The following PPP1R12A variants were observed in gnomAD, a reference collection of about 807,000 sequenced individuals.
The protein encoded by PPP1R12A is myosin binding subunit.
In PPP1R12A, 19 loss-of-function variants were observed where a neutral mutation model predicts 139.6. The ratio of observed to expected loss-of-function variants is 0.14; its 90% CI spans 0.09 to 0.20. PPP1R12A has a LOEUF of 0.20. Ranked by LOEUF, PPP1R12A falls within the 10% of genes least tolerant of loss-of-function variation. PPP1R12A has a pLI of 1.00. For missense variants in PPP1R12A, 925 were observed against 1,211.5 expected (o/e 0.76, Z 3.51); for synonymous variants, 427 against 420.6 (o/e 1.02, Z -0.19).
intron 3 of PPP1R12A, among the ~76,000 whole-genome samples, chr12:79,843,603 CA>C (rs992075681): frequency 3.3e-5 from 4 of 121,908 alleles, no homozygotes; most frequent in South Asian, 2.6e-4. Context: ...GACTCTGTCT[CA>C]AAAAAAAATA....
intron 1 of PPP1R12A, among the ~76,000 whole-genome samples, chr12:79,881,312 A>G (rs1327670735): frequency 6.6e-6 from 1 of 152,206 alleles, no homozygotes; most frequent in Admixed American, 6.5e-5. Flanking sequence ...AATGCAAAGG[A>G]AAAGTTCTTG....
chr12:79,862,625 G>GACCTGATGGAGCTGAAAACC (rs1191659341), intron 2 of PPP1R12A, among the ~76,000 whole-genome samples: 3 of 152,156 alleles, frequency 2.0e-5, no homozygotes, highest in Admixed American at 2.0e-4. Flanking sequence ...AGAGCTAAAT[G>GACCTGATGGAGCTGAAAACC]ACCTGATGGA....
At chr12:79,821,985 A>C (rs1273495444) in intron 6 of PPP1R12A, 131 bp downstream of exon 6, 1 of 595,202 alleles carries the variant, frequency 1.7e-6, no homozygotes, top group Non-Finnish European at 2.9e-6. Context: ...CTCTTTCACT[A>C]TCATTTAGTG....
chr12:79,806,263 CTGTTGGTGT>C lies in PPP1R12A; in HGVS notation c.1717_1725del (p.Thr573_Thr575del). The C allele has an allele frequency of 1.2e-6, 2 of 1,613,910 alleles. No individual in the cohort carries two copies. The highest frequency in any genetic ancestry group is 1.7e-6 in the Non-Finnish European group (2 of 1,179,804). On this transcript the variant is annotated inframe_deletion, in exon 13 of 25. Coordinates refer to ENST00000450142, the MANE Select transcript of PPP1R12A (RefSeq NM_002480.3). ...TTCTGAAGCCCAGCTGCAGAGGTAA[CTGTTGGTGT>C]TGATGTGGTGCTTGGAACACTAGAA... is the stretch of plus-strand genomic sequence containing the variant.
At chr12:79,829,968 C>A (rs373852315) in intron 4 of PPP1R12A, among the ~76,000 whole-genome samples, 33 of 152,030 alleles carry the variant, frequency 2.2e-4, no homozygotes, top group African/African-American at 7.7e-4. Context: ...TGAAAAGCAT[C>A]AAAATCAAAT....
chr12:79,812,038 G>A (rs1201596252), intron 9 of PPP1R12A, among the ~76,000 whole-genome samples: 3 of 152,090 alleles, frequency 2.0e-5, no homozygotes, highest in Admixed American at 2.0e-4. Context: ...CTTCACATGG[G>A]TTATCCTGTT....
intron 7 of PPP1R12A, 63 bp downstream of exon 7, chr12:79,821,015 G>T: frequency 1.3e-6 from 2 of 1,589,904 alleles, no homozygotes; most frequent in Non-Finnish European, 1.7e-6. Context: ...CAATAATCAT[G>T]CCTGTGGCCA....
At chr12:79,820,959 A>AT in intron 7 of PPP1R12A, 28 bp from the exon 8 acceptor site, 1 of 1,610,464 alleles carries the variant, frequency 6.2e-7, no homozygotes, top group Non-Finnish European at 8.5e-7. Context: ...TGTTCAAATG[A>AT]TTAGAAATAC....
At chr12:79,883,654 A>C (rs1883851963) in intron 1 of PPP1R12A, among the ~76,000 whole-genome samples, 1 of 152,150 alleles carries the variant, frequency 6.6e-6, no homozygotes, top group South Asian at 2.1e-4. Flanking sequence ...TGTGAAAATA[A>C]ATGTGGGAAG....
At chr12:79,934,067 T>C (rs892503412) in intron 1 of PPP1R12A, among the ~76,000 whole-genome samples, 1 of 152,068 alleles carries the variant, frequency 6.6e-6, no homozygotes, top group Non-Finnish European at 1.5e-5. Flanking sequence ...TTCCATCCCC[T>C]TCCTTTCAGC....
chr12:79,785,736 A>C (rs548601527), intron 22 of PPP1R12A, among the ~76,000 whole-genome samples: 1 of 152,280 alleles, frequency 6.6e-6, no homozygotes, highest in East Asian at 1.9e-4. Context: ...TTCTTTGATC[A>C]CAAAGCTTTT....
rs79344011 is a variant in PPP1R12A, at chr12:79,922,854, T to A, written c.237+11841A>T. ...TATACCAGAACTTAAAAGTAAAAAATTTTTTAAAAAGTATTTTGTATAAAC... is the reference window on the plus strand; with the variant it reads ...TATACCAGAACTTAAAAGTAAAAAAATTTTTAAAAAGTATTTTGTATAAAC... On this transcript the variant is annotated intron_variant, in intron 1 of 24. Coordinates refer to ENST00000450142, the MANE Select transcript of PPP1R12A (RefSeq NM_002480.3). Among the ~76,000 whole-genome samples, 508 of 151,104 alleles carry A rather than the reference T, an allele frequency of 3.4e-3. 7 individuals carry two copies. Among genetic ancestry groups the A allele is most frequent in the African/African-American group, 0.012 (467 of 40,478 alleles).
intron 1 of PPP1R12A, among the ~76,000 whole-genome samples, chr12:79,877,362 G>A (rs1209575837): frequency 1.3e-5 from 2 of 152,144 alleles, no homozygotes; most frequent in Non-Finnish European, 1.5e-5. Context: ...CAGGGCAGTG[G>A]TTAAAAGAAA....
chr12:79,821,684 T>C (rs879014376), intron 6 of PPP1R12A, among the ~76,000 whole-genome samples: 1 of 150,308 alleles, frequency 6.7e-6, no homozygotes, highest in Admixed American at 6.7e-5. Context: ...ACCCAGGAGG[T>C]GGAGGCTGCA....
At chr12:79,868,639 T>C (rs1277662786) in intron 2 of PPP1R12A, among the ~76,000 whole-genome samples, 2 of 152,132 alleles carry the variant, frequency 1.3e-5, no homozygotes, top group Non-Finnish European at 2.9e-5. Flanking sequence ...GTGTCTCTTT[T>C]TTGTCCCAAT....
At chr12:79,821,327 TAAAG>T (rs1327176383) in intron 6 of PPP1R12A, among the ~76,000 whole-genome samples, 161 bp from the exon 7 acceptor site, 2 of 152,126 alleles carry the variant, frequency 1.3e-5, no homozygotes, top group African/African-American at 4.8e-5. Flanking sequence ...AGAGCTTGAA[TAAAG>T]AATGAAATAG....
intron 23 of PPP1R12A, chr12:79,779,552 C>T (rs1477822836): frequency 1.1e-5 from 4 of 371,524 alleles, no homozygotes; most frequent in African/African-American, 2.1e-5. Flanking sequence ...ATTCCAACAT[C>T]GGCATGCCTA....
chr12:79,779,085 C>CT (rs1053605925), intron 23 of PPP1R12A: 2 of 327,048 alleles, frequency 6.1e-6, no homozygotes, highest in Non-Finnish European at 1.2e-5. Flanking sequence ...ATCCAACTGA[C>CT]TTTATAGCTT....
intron 11 of PPP1R12A, among the ~76,000 whole-genome samples, chr12:79,808,178 T>C (rs1254846689): frequency 6.6e-6 from 1 of 152,116 alleles, no homozygotes; most frequent in Non-Finnish European, 1.5e-5. Context: ...GTAAGGGCTT[T>C]CCTTCTTCTT....
Sources: allele counts gnomAD v4.1 joint callset (sites outside exome capture counted in the v4.1 genomes callset), GRCh38; gene constraint gnomAD v4.1.1; transcripts MANE v1.5; gene names NCBI Gene and HGNC (gene_info 2026-07-23, HGNC 2026-07-21).